Variants in EYA3 observed in about 807,000 individuals in gnomAD.
EYA3 encodes EYA transcriptional coactivator and phosphatase 3, also known as protein phosphatase EYA3.
EYA3 carries 39 observed loss-of-function variants against 80.0 expected under a neutral mutation model. That is an observed-to-expected ratio of 0.49 (90% CI 0.38 to 0.64). The LOEUF (loss-of-function observed/expected upper bound fraction) is 0.64. Ranked by LOEUF, EYA3 falls within the 30% of genes least tolerant of loss-of-function variation. The pLI, the probability that EYA3 is intolerant of heterozygous loss-of-function variation, is 0.00. For missense variants in EYA3, 523 were observed against 676.1 expected, an observed-to-expected ratio of 0.77 and a Z score of 2.51; for synonymous variants, 206 against 232.8, an observed-to-expected ratio of 0.88 and a Z score of 1.05.
chr1:28,007,745 T>C (rs1023584295), intron 10 of EYA3, among the ~76,000 whole-genome samples: 1 of 152,184 alleles, frequency 6.6e-6, no homozygotes, highest in African/African-American at 2.4e-5. Context: ...CAAGTAGGCA[T>C]AGCTAAATAA....
At chr1:27,977,011 C>T in intron 17 of EYA3, 2 of 985,298 alleles carry the variant, frequency 2.0e-6, no homozygotes, top group Non-Finnish European at 2.4e-6. Context: ...AGCCACCGTG[C>T]CCAGCCTCAA....
intron 7 of EYA3, among the ~76,000 whole-genome samples, chr1:28,020,078 T>C (rs1642329171): frequency 6.6e-6 from 1 of 152,160 alleles, no homozygotes; most frequent in Non-Finnish European, 1.5e-5. Context: ...TGTACTCTGA[T>C]TGACAAGGTG....
intron 1 of EYA3, among the ~76,000 whole-genome samples, chr1:28,070,456 G>A (rs539499046): frequency 6.6e-5 from 10 of 152,128 alleles, no homozygotes; most frequent in African/African-American, 2.2e-4. Flanking sequence ...CAGCTACTCC[G>A]GAGGCTGAGG....
chr1:27,995,965 C>T (rs1285208979), intron 13 of EYA3, among the ~76,000 whole-genome samples: 3 of 152,006 alleles, frequency 2.0e-5, no homozygotes, highest in Admixed American at 6.6e-5. Context: ...TTCTGCCTCC[C>T]GGTTTCAAGC....
rs554145537 is a variant in EYA3, at chr1:28,022,234, C to T, written c.500-4995G>A. Among the ~76,000 whole-genome samples, 11 of 152,070 alleles carry T rather than the reference C, an allele frequency of 7.2e-5. No homozygotes were observed. In the South Asian group the frequency reaches 1.0e-3, roughly 14 times the overall value. On this transcript the variant is annotated intron_variant, in intron 7 of 17. Coordinates refer to ENST00000373871, the MANE Select transcript of EYA3 (RefSeq NM_001990.4). ...CGCGATCTCGACTCACTGCAAGCTC[C>T]GCCTCCTGGGTTCACACCATTCTCC...
chr1:28,045,705 A>C (rs190285547), intron 3 of EYA3, among the ~76,000 whole-genome samples: 2 of 152,334 alleles, frequency 1.3e-5, no homozygotes, highest in Non-Finnish European at 1.5e-5. Flanking sequence ...GCCTCAAAAT[A>C]TAATTATTTT....
chr1:28,046,790 ATGTT>A (rs1644021408), intron 3 of EYA3, among the ~76,000 whole-genome samples: 1 of 152,050 alleles, frequency 6.6e-6, no homozygotes, highest in African/African-American at 2.4e-5. Context: ...GAAGTTAAGA[ATGTT>A]TGTAAGGGAC....
chr1:28,072,640 A>C (rs1645055956), intron 1 of EYA3, among the ~76,000 whole-genome samples: 1 of 152,240 alleles, frequency 6.6e-6, no homozygotes, highest in South Asian at 2.1e-4. Context: ...AAAATGGTAC[A>C]GTTCAGCCAG....
rs1339725799 is a variant in EYA3, at chr1:27,973,349, A to T, written c.*1117T>A. 6.6e-6 allele frequency: 1 copy of T among 152,298 alleles called. No individual in the cohort carries two copies. The highest frequency in any genetic ancestry group is 1.9e-4 in the East Asian group (1 of 5,206). The allele number at this position is 152,298 out of a possible 1,614,324, so 9.4% of individuals were successfully genotyped here. A position where few individuals can be genotyped will look rare whatever the true frequency, so the allele number is the denominator to read the frequency against. On this transcript the variant is annotated 3_prime_UTR_variant, in exon 18 of 18. Coordinates refer to ENST00000373871, the MANE Select transcript of EYA3 (RefSeq NM_001990.4). ...GCCTGGAGGTGGACATGAGGTGCAG[A>T]GGGCAGGAAAGGGGTAAGAACCTAG...
At chr1:28,078,716 T>C (rs532165238) in intron 1 of EYA3, among the ~76,000 whole-genome samples, 65 of 152,128 alleles carry the variant, frequency 4.3e-4, no homozygotes, top group Non-Finnish European at 3.7e-4. Flanking sequence ...AGGTAATACA[T>C]TAATTATTTT....
chr1:28,061,681 G>C (rs1271593266), intron 1 of EYA3, among the ~76,000 whole-genome samples: 1 of 151,786 alleles, frequency 6.6e-6, no homozygotes, highest in Non-Finnish European at 1.5e-5. Flanking sequence ...CTCACTGCAA[G>C]CTCCGCCTCC....
intron 4 of EYA3, among the ~76,000 whole-genome samples, chr1:28,040,037 G>A (rs747262785): frequency 6.6e-6 from 1 of 152,112 alleles, no homozygotes; most frequent in Non-Finnish European, 1.5e-5. Context: ...CTAGGAGACT[G>A]AGGCCAATTT....
intron 16 of EYA3, among the ~76,000 whole-genome samples, chr1:27,982,426 G>A (rs1321372305): frequency 4.7e-5 from 7 of 150,454 alleles, no homozygotes; most frequent in African/African-American, 9.8e-5. Flanking sequence ...GATGACAGGC[G>A]TGAGCCACTC....
intron 4 of EYA3, among the ~76,000 whole-genome samples, chr1:28,039,900 TTGCAAAGAA>T: frequency 6.6e-6 from 1 of 152,326 alleles, no homozygotes; most frequent in East Asian, 1.9e-4. Flanking sequence ...TGACAATCCA[TTGCAAAGAA>T]TGTAAGGTAA....
intron 17 of EYA3, among the ~76,000 whole-genome samples, chr1:27,975,107 G>A (rs1295029503): frequency 6.6e-6 from 1 of 152,164 alleles, no homozygotes. Flanking sequence ...ACAGATCTGG[G>A]AAATAATAAT....
Position 27,972,477 on chromosome 1 carries a change from G to GTGTATACCA in EYA3, c.*1980_*1988dup, listed in dbSNP as rs1238579886. 4 of 152,242 alleles carry GTGTATACCA rather than the reference G, an allele frequency of 2.6e-5. No individual in the cohort carries two copies. The highest frequency in any genetic ancestry group is 4.4e-5 in the Non-Finnish European group (3 of 68,056). 9.4% of individuals were successfully genotyped at this position (152,242 alleles called of 1,614,324 possible). A position where few individuals can be genotyped will look rare whatever the true frequency, so the allele number is the denominator to read the frequency against. On this transcript the variant is annotated 3_prime_UTR_variant, in exon 18 of 18. Coordinates refer to ENST00000373871, the MANE Select transcript of EYA3 (RefSeq NM_001990.4). ...GCTTTTCAATGAGTTCTGAAGGAAT[G>GTGTATACCA]TGTATACCAGCCTCTCTCTCTTGCT... is the stretch of plus-strand genomic sequence containing the variant.
chr1:28,030,993 T>C (rs981667406), intron 6 of EYA3, among the ~76,000 whole-genome samples: 1 of 152,334 alleles, frequency 6.6e-6, no homozygotes, highest in East Asian at 1.9e-4. Context: ...GGTAGATTTA[T>C]AAACATGTTT....
In EYA3 at chr1:28,035,593, G is replaced by C; in HGVS notation, c.312C>G (p.Pro104=). 6.2e-7 allele frequency: 1 copy of C among 1,613,910 alleles called. No homozygotes were observed. Among genetic ancestry groups the C allele is most frequent in the Non-Finnish European group, 8.5e-7 (1 of 1,179,784 alleles). Residue 104 remains proline (P), a synonymous_variant, in exon 6 of 18, where the codon CCC becomes CCG. Coordinates refer to ENST00000373871, the MANE Select transcript of EYA3 (RefSeq NM_001990.4). ...TQYQTLQQTQ[P]YAVYPQATQT... The stretch of plus-strand genomic sequence containing the variant: ...GGGTTGCCTGAGGGTAGACAGCATA[G>C]GGTTGAGTCTGCTGTAGTGTCTGGT...
intron 11 of EYA3, among the ~76,000 whole-genome samples, chr1:28,001,222 AT>A (rs1455586294): frequency 1.3e-5 from 2 of 148,444 alleles, no homozygotes; most frequent in Non-Finnish European, 3.0e-5. Context: ...TACTTATTAC[AT>A]TATTTTAATA....
Sources: gnomAD v4.1 joint callset for allele counts (sites outside exome capture counted in the v4.1 genomes callset) on GRCh38, gnomAD v4.1.1 for gene constraint, MANE v1.5 for transcripts, NCBI Gene and HGNC (gene_info 2026-07-23, HGNC 2026-07-21) for gene names.